SHANK2: variants seen among roughly 807,000 people sequenced by gnomAD.
SHANK2 encodes the protein SH3 and multiple ankyrin repeat domains protein 2.
SHANK2 carries 43 observed loss-of-function variants against 133.7 expected under a neutral mutation model. The ratio of observed to expected loss-of-function variants is 0.32; its 90% confidence interval spans 0.25 to 0.41. SHANK2 has a LOEUF of 0.41. Ranked by LOEUF, SHANK2 falls within the 10% of genes least tolerant of loss-of-function variation. The pLI is 1.00. For synonymous variants in SHANK2, 1,017 were observed against 952.8 expected, an observed-to-expected ratio of 1.07 and a Z score of -1.24; for missense variants, 1,994 against 2,235.8, an observed-to-expected ratio of 0.89 and a Z score of 2.18.
At chr11:70,509,394 G>C (rs941658323) in intron 17 of SHANK2, among the ~76,000 whole-genome samples, 3 of 152,188 alleles carry the variant, frequency 2.0e-5, no homozygotes, top group African/African-American at 7.2e-5. Context: ...GGGGACACTG[G>C]CTATTGGTCT....
intron 3 of SHANK2, among the ~76,000 whole-genome samples, chr11:71,128,228 G>A (rs1419333393): frequency 1.3e-5 from 2 of 152,150 alleles, no homozygotes; most frequent in East Asian, 1.9e-4. Flanking sequence ...TTTGCCTTAG[G>A]ATGTTTCTCC....
chr11:70,715,396 G>A (rs1274066128), intron 14 of SHANK2, among the ~76,000 whole-genome samples: 1 of 152,142 alleles, frequency 6.6e-6, no homozygotes, highest in Non-Finnish European at 1.5e-5. Flanking sequence ...GTGCCTATGG[G>A]GAGGGCAGTG....
At chr11:70,779,732 T>C (rs1296906485) in intron 14 of SHANK2, among the ~76,000 whole-genome samples, 4 of 152,162 alleles carry the variant, frequency 2.6e-5, no homozygotes, top group African/African-American at 9.7e-5. Context: ...GCTGAGGCGC[T>C]TGGCGTCCCT....
At chr11:71,117,465 T>C (rs782138697) in intron 4 of SHANK2, among the ~76,000 whole-genome samples, 11 of 152,216 alleles carry the variant, frequency 7.2e-5, no homozygotes, top group Non-Finnish European at 1.6e-4. Flanking sequence ...GGAGCACTAA[T>C]GAGATGACTC....
At chr11:70,862,109 T>G (rs1214681496) in intron 11 of SHANK2, among the ~76,000 whole-genome samples, 1 of 152,120 alleles carries the variant, frequency 6.6e-6, no homozygotes, top group African/African-American at 2.4e-5. Flanking sequence ...CTCCCCACGA[T>G]GCGGCTGTCT....
At chr11:70,809,467 C>T (rs562473970) in intron 12 of SHANK2, among the ~76,000 whole-genome samples, 2 of 152,328 alleles carry the variant, frequency 1.3e-5, no homozygotes, top group Admixed American at 1.3e-4. Context: ...ACTGTAATCA[C>T]CCGACTCATG....
intron 2 of SHANK2, among the ~76,000 whole-genome samples, chr11:71,169,705 C>G (rs782255117): frequency 6.9e-6 from 1 of 145,178 alleles, no homozygotes; most frequent in Admixed American, 7.2e-5. Context: ...GAGCTGAGAT[C>G]GTACCACTGC....
At chr11:71,173,670 C>G (rs537527963) in intron 2 of SHANK2, among the ~76,000 whole-genome samples, 5 of 152,346 alleles carry the variant, frequency 3.3e-5, no homozygotes, top group African/African-American at 7.2e-5. Flanking sequence ...CAAAATTCGT[C>G]TTCACCCAAA....
In SHANK2 at chr11:71,082,783, G is replaced by A. The variant is rs1001905175; in HGVS notation, c.913-7508C>T. 4.0e-3 allele frequency among the ~76,000 whole-genome samples: 616 copies of A among 152,268 alleles called. 3 individuals are homozygous for A. Among genetic ancestry groups the A allele is most frequent in the African/African-American group, 0.014 (599 of 41,538 alleles). On this transcript the variant is annotated intron_variant, in intron 8 of 25. Transcript: ENST00000601538. ...TGGCCCGAAACTATTTCTTTAAGGC[G>A]GACACTCTTCATTTAAATGCGATAA...
At chr11:70,492,598 A>T in intron 21 of SHANK2, 133 bp from the exon 22 acceptor site, 1 of 1,184,996 alleles carries the variant, frequency 8.4e-7, no homozygotes, top group Non-Finnish European at 1.2e-6. Flanking sequence ...TGCTGTGAGG[A>T]GCATGCGTGT....
chr11:70,795,946 A>G (rs1947901051), intron 14 of SHANK2, among the ~76,000 whole-genome samples: 1 of 152,238 alleles, frequency 6.6e-6, no homozygotes, highest in Non-Finnish European at 1.5e-5. Flanking sequence ...CAGCCCAGGT[A>G]GAAAATACGG....
intron 9 of SHANK2, among the ~76,000 whole-genome samples, chr11:71,068,323 A>C (rs1350364187): frequency 2.6e-5 from 4 of 152,218 alleles, no homozygotes; most frequent in Non-Finnish European, 5.9e-5. Flanking sequence ...GCACAGTCCT[A>C]GACAACAGAA....
chr11:70,545,085 GGCCACT>G (rs1157227650), intron 17 of SHANK2, among the ~76,000 whole-genome samples: 1 of 152,192 alleles, frequency 6.6e-6, no homozygotes, highest in Non-Finnish European at 1.5e-5. Flanking sequence ...GGCAGGCAAG[GGCCACT>G]GGGGCCTGGG....
At chr11:70,682,056 A>G (rs911774228) in intron 15 of SHANK2, among the ~76,000 whole-genome samples, 15 of 151,190 alleles carry the variant, frequency 9.9e-5, no homozygotes, top group Admixed American at 9.9e-4. Flanking sequence ...GAAGAGTATA[A>G]GGCAGCCCAA....
chr11:70,610,354 CA>C lies in SHANK2; in HGVS notation c.2061+49473del, dbSNP rs1354434934. Among the ~76,000 whole-genome samples the C allele has an allele frequency of 3.3e-5, 5 of 151,902 alleles. No individual in the cohort carries two copies. In the East Asian group the frequency reaches 9.7e-4, roughly 30 times the overall value. ...CCAGTCCCCTCTTGCTGCTCAGCTG[CA>C]AAAAAATGAATTATTGCCTGGTTTT... On this transcript the variant is annotated intron_variant, in intron 17 of 25. Coordinates refer to ENST00000601538, the MANE Select transcript of SHANK2 (RefSeq NM_012309.5).
At chr11:70,675,934 T>A (rs78733756) in intron 15 of SHANK2, among the ~76,000 whole-genome samples, 1,673 of 152,302 alleles carry the variant, frequency 0.011, 31 homozygotes, top group African/African-American at 0.038. Context: ...ATGATTCCCA[T>A]CTCAATGAAC....
intron 15 of SHANK2, among the ~76,000 whole-genome samples, chr11:70,678,547 T>C (rs1944954136): frequency 7.0e-6 from 1 of 142,838 alleles, no homozygotes; most frequent in South Asian, 2.4e-4. Context: ...TTTTTTTTTT[T>C]TTTTTTTTGA....
intron 14 of SHANK2, among the ~76,000 whole-genome samples, chr11:70,745,903 G>C (rs766159499): frequency 6.6e-6 from 1 of 152,222 alleles, no homozygotes; most frequent in African/African-American, 2.4e-5. Context: ...TCCTTCATCC[G>C]TGTCCTTCAC....
intron 12 of SHANK2, among the ~76,000 whole-genome samples, chr11:70,818,452 G>A (rs1269226509): frequency 6.6e-6 from 1 of 152,178 alleles, no homozygotes; most frequent in African/African-American, 2.4e-5. Context: ...AGCACATCTA[G>A]TCTGCAGCCA....
Sources: gnomAD v4.1 joint callset for allele counts (sites outside exome capture counted in the v4.1 genomes callset) on GRCh38, gnomAD v4.1.1 for gene constraint, MANE v1.5 for transcripts, NCBI Gene and HGNC (gene_info 2026-07-23, HGNC 2026-07-21) for gene names.